Variants in FHIT observed in about 807,000 individuals in gnomAD.
FHIT encodes the protein fragile histidine triad diadenosine triphosphatase.
In FHIT, 19 loss-of-function variants were observed where a neutral mutation model predicts 17.9. The ratio of observed to expected loss-of-function variants is 1.06; its 90% confidence interval spans 0.74 to 1.56. The LOEUF (loss-of-function observed/expected upper bound fraction) is 1.56. FHIT is among the 40% of genes most tolerant of loss of function. The probability of loss-of-function intolerance (pLI) is 0.00; values close to 1 mark genes in which losing one functional copy is unlikely to be tolerated. For synonymous variants in FHIT, 81 were observed against 69.7 expected (o/e 1.16, Z -0.81); for missense variants, 248 against 189.2 (o/e 1.31, Z -1.82).
At chr3:60,561,041 T>G (rs1191229757) in intron 4 of FHIT, among the ~76,000 whole-genome samples, 1 of 152,024 alleles carries the variant, frequency 6.6e-6, no homozygotes, top group African/African-American at 2.4e-5. Flanking sequence ...AAACATCAGC[T>G]GAATGAACAA....
chr3:60,316,938 C>A (rs541315934), intron 5 of FHIT, among the ~76,000 whole-genome samples: 8 of 152,008 alleles, frequency 5.3e-5, no homozygotes, highest in Non-Finnish European at 1.0e-4. Context: ...CTTTCCTAAT[C>A]GATTGAAATA....
At chr3:60,187,229 A>G (rs554764157) in intron 5 of FHIT, among the ~76,000 whole-genome samples, 1 of 152,140 alleles carries the variant, frequency 6.6e-6, no homozygotes, top group Admixed American at 6.6e-5. Context: ...GAAACCCCCT[A>G]ATGTCAAACT....
intron 4 of FHIT, among the ~76,000 whole-genome samples, chr3:60,599,356 T>A (rs1024391167): frequency 5.9e-5 from 9 of 152,320 alleles, no homozygotes; most frequent in Middle Eastern, 3.4e-3. Flanking sequence ...TGTGGTCACC[T>A]GCAAATATCA....
chr3:60,412,681 G>T (rs1356704324), intron 5 of FHIT, among the ~76,000 whole-genome samples: 1 of 152,128 alleles, frequency 6.6e-6, no homozygotes. Context: ...CCTAGGAAGG[G>T]ACTGAGCAGA....
intron 2 of FHIT, among the ~76,000 whole-genome samples, chr3:61,187,803 A>C (rs985098143): frequency 6.6e-6 from 1 of 152,222 alleles, no homozygotes; most frequent in Non-Finnish European, 1.5e-5. Context: ...AATTACATGG[A>C]AACTGAACAA....
rs538031333 is a variant in FHIT, at chr3:60,121,013, C to T, written c.104-106861G>A. Among the ~76,000 whole-genome samples the T allele has an allele frequency of 2.4e-4, 37 of 152,196 alleles. No homozygotes were observed. The South Asian group carries it at 6.0e-3, about 25-fold the overall frequency. On this transcript the variant is annotated intron_variant, in intron 5 of 9. Coordinates refer to ENST00000492590, the MANE Select transcript of FHIT (RefSeq NM_002012.4). ...AGAGCCTTAAGAGTTTCATTCTCTG[C>T]CTGACCTCCTGAAACCCTCAAAAGA... is the stretch of plus-strand genomic sequence containing the variant.
chr3:61,247,864 A>G (rs2040524393), intron 1 of FHIT, among the ~76,000 whole-genome samples: 1 of 152,220 alleles, frequency 6.6e-6, no homozygotes, highest in Non-Finnish European at 1.5e-5. Context: ...CTTCTTCATC[A>G]TCACTGTGAG....
chr3:60,479,632 T>C (rs1576728856), intron 5 of FHIT, among the ~76,000 whole-genome samples: 1 of 152,316 alleles, frequency 6.6e-6, no homozygotes, highest in East Asian at 1.9e-4. Flanking sequence ...AGTGCCCATC[T>C]GTGGCCTGTT....
At chr3:60,103,077 A>C (rs577972343) in intron 5 of FHIT, among the ~76,000 whole-genome samples, 1 of 152,302 alleles carries the variant, frequency 6.6e-6, no homozygotes, top group Admixed American at 6.5e-5. Flanking sequence ...ATAAAAGCTA[A>C]CACATCACAG....
chr3:59,840,823 C>G (rs563946892), intron 8 of FHIT, among the ~76,000 whole-genome samples: 9 of 152,276 alleles, frequency 5.9e-5, no homozygotes, highest in African/African-American at 2.2e-4. Flanking sequence ...TTGGGCACCT[C>G]AGTTTTCTCA....
At chr3:59,803,004 G>A (rs187022527) in intron 8 of FHIT, among the ~76,000 whole-genome samples, 69 of 152,140 alleles carry the variant, frequency 4.5e-4, no homozygotes, top group African/African-American at 1.6e-3. Context: ...GAAGACACGT[G>A]TCAGGTGCCA....
At chr3:60,159,075 T>C (rs116020453) in intron 5 of FHIT, among the ~76,000 whole-genome samples, 4,160 of 152,290 alleles carry the variant, frequency 0.027, 171 homozygotes, top group African/African-American at 0.096. Flanking sequence ...AGACTTTTTT[T>C]TCTAATCATC....
intron 2 of FHIT, among the ~76,000 whole-genome samples, chr3:61,072,814 A>C (rs1159422581): frequency 6.6e-6 from 1 of 152,212 alleles, no homozygotes; most frequent in East Asian, 1.9e-4. Flanking sequence ...CAAATAAAAA[A>C]TAAAAAAAAG....
At chr3:59,872,902 T>C (rs918217866) in intron 8 of FHIT, among the ~76,000 whole-genome samples, 2 of 152,178 alleles carry the variant, frequency 1.3e-5, no homozygotes, top group Non-Finnish European at 2.9e-5. Context: ...AGGTACAAAG[T>C]TGACATATCA....
intron 5 of FHIT, among the ~76,000 whole-genome samples, chr3:60,215,528 A>G (rs1703658976): frequency 6.6e-6 from 1 of 152,060 alleles, no homozygotes; most frequent in African/African-American, 2.4e-5. Context: ...GCGCCACTGC[A>G]GTCCAGCCTG....
chr3:60,222,201 T>A lies in FHIT; in HGVS notation c.104-208049A>T, dbSNP rs80356372. On this transcript the variant is annotated intron_variant, in intron 5 of 9. Coordinates refer to ENST00000492590, the MANE Select transcript of FHIT (RefSeq NM_002012.4). ...CAACACAGGAAATCATTCTCTCTTATTTATTTATTCATGCATTCATTCATT... is the reference window on the plus strand; with the variant it reads ...CAACACAGGAAATCATTCTCTCTTAATTATTTATTCATGCATTCATTCATT... Among the ~76,000 whole-genome samples, 23 of 151,920 alleles carry A rather than the reference T, an allele frequency of 1.5e-4. No individual in the cohort carries two copies. The East Asian group carries it at 3.9e-3, about 26-fold the overall frequency.
intron 4 of FHIT, among the ~76,000 whole-genome samples, chr3:60,706,392 C>T (rs1238093181): frequency 6.6e-6 from 1 of 151,980 alleles, no homozygotes; most frequent in Non-Finnish European, 1.5e-5. Flanking sequence ...TAACCCAGAA[C>T]TTTAAGTAAA....
intron 8 of FHIT, among the ~76,000 whole-genome samples, chr3:59,799,667 C>CTT (rs1699918361): frequency 6.6e-6 from 1 of 151,748 alleles, no homozygotes; most frequent in Non-Finnish European, 1.5e-5. Flanking sequence ...GAGAAGAGAC[C>CTT]CTTTCTTCCA....
chr3:59,764,909 CACACA>C (rs1398708036), intron 8 of FHIT, among the ~76,000 whole-genome samples: 1 of 56,026 alleles, frequency 1.8e-5, no homozygotes, highest in Non-Finnish European at 4.5e-5. Context: ...CACACACACA[CACACA>C]CACACAGCTT....
Sources: gnomAD v4.1 joint callset for allele counts (sites outside exome capture counted in the v4.1 genomes callset) on GRCh38, gnomAD v4.1.1 for gene constraint, MANE v1.5 for transcripts, NCBI Gene and HGNC (gene_info 2026-07-23, HGNC 2026-07-21) for gene names.